Variants in BIRC6 observed in about 807,000 individuals in gnomAD.
BIRC6 encodes baculoviral IAP repeat containing 6.
BIRC6 carries 98 observed loss-of-function variants against 503.3 expected under a neutral mutation model. The observed-to-expected ratio is 0.19, with a 90% CI of 0.17 to 0.23. BIRC6 has a LOEUF of 0.23. BIRC6 is among the 10% of genes least tolerant of loss of function. The pLI is 1.00. For synonymous variants in BIRC6, 2,240 were observed against 2,078.7 expected (o/e 1.08, Z -2.11); for missense variants, 5,360 against 5,806.0 (o/e 0.92, Z 2.50).
chr2:32,538,848 C>G (rs1225056925), intron 61 of BIRC6, among the ~76,000 whole-genome samples: 1 of 152,172 alleles, frequency 6.6e-6, no homozygotes, highest in African/African-American at 2.4e-5. Context: ...AGGAGAATCC[C>G]TTGAACCTGA....
chr2:32,478,402 G>A (rs1005435603), intron 35 of BIRC6, among the ~76,000 whole-genome samples: 2 of 151,918 alleles, frequency 1.3e-5, no homozygotes, highest in Non-Finnish European at 2.9e-5. Context: ...TTCACTGTTC[G>A]TAGAAATTTA....
chr2:32,513,818 A>G (rs2054701475), intron 54 of BIRC6, among the ~76,000 whole-genome samples: 1 of 152,144 alleles, frequency 6.6e-6, no homozygotes, highest in African/African-American at 2.4e-5. Flanking sequence ...CTGAGGCAGG[A>G]GGATCACTTG....
intron 54 of BIRC6, 34 bp from the exon 55 acceptor site, chr2:32,514,956 T>C (rs761237418): frequency 6.9e-7 from 1 of 1,457,370 alleles, no homozygotes; most frequent in Non-Finnish European, 9.5e-7. Context: ...AAAAATATAC[T>C]TGTATCATTA....
chr2:32,384,053 C>G (rs559519527), intron 3 of BIRC6, among the ~76,000 whole-genome samples: 1 of 152,300 alleles, frequency 6.6e-6, no homozygotes, highest in South Asian at 2.1e-4. Flanking sequence ...TGCTGGGTAG[C>G]AATCTCAACA....
intron 5 of BIRC6, among the ~76,000 whole-genome samples, chr2:32,392,782 G>T (rs2039408093): frequency 6.6e-6 from 1 of 151,394 alleles, no homozygotes; most frequent in Non-Finnish European, 1.5e-5. Flanking sequence ...GTGCCACTGG[G>T]CCTGGCTAAC....
intron 1 of BIRC6, among the ~76,000 whole-genome samples, chr2:32,360,459 G>C (rs1024850253): frequency 2.6e-5 from 4 of 152,180 alleles, no homozygotes; most frequent in African/African-American, 9.7e-5. Context: ...TCTGAGCTGC[G>C]TGATCTGGCT....
intron 10 of BIRC6, among the ~76,000 whole-genome samples, chr2:32,419,516 C>T (rs1009784944): frequency 2.6e-5 from 4 of 152,040 alleles, no homozygotes; most frequent in African/African-American, 9.7e-5. Context: ...AATTGGTATT[C>T]TGCTTGGTGC....
At chr2:32,566,472 C>T (rs1354808184) in intron 65 of BIRC6, 1 of 152,192 alleles carries the variant, frequency 6.6e-6, no homozygotes, top group Non-Finnish European at 1.5e-5. Flanking sequence ...GCCACTTCAG[C>T]CTCATGAGTA....
intron 63 of BIRC6, 73 bp from the exon 64 acceptor site, chr2:32,547,777 T>A (rs1377935630): frequency 1.5e-6 from 2 of 1,295,420 alleles, no homozygotes; most frequent in Non-Finnish European, 2.1e-6. Context: ...TCATTTTACT[T>A]TCCCAGTGAT....
intron 12 of BIRC6, among the ~76,000 whole-genome samples, chr2:32,433,428 C>T (rs995073966): frequency 6.6e-6 from 1 of 152,170 alleles, no homozygotes; most frequent in East Asian, 1.9e-4. Flanking sequence ...ATATGCAAGT[C>T]TCAAGGCAGG....
rs1284166959 is a variant in BIRC6 at position 32,533,309 on chromosome 2, TACATGTAATGA to T, written c.12291+1772_12291+1782del. 5.3e-5 allele frequency among the ~76,000 whole-genome samples: 8 copies of T among 152,372 alleles called. 1 individual carries two copies. The South Asian group carries it at 8.3e-4, about 16-fold the overall frequency. On this transcript the variant is annotated intron_variant, in intron 61 of 73. Transcript: ENST00000421745. ...GTAATGAACTTGGATGTAATGAACT[TACATGTAATGA>T]ACATGTAATGAACTTGGATGTTTAG... is the stretch of plus-strand genomic sequence containing the variant.
At chr2:32,363,282 T>A (rs2034392940) in intron 1 of BIRC6, among the ~76,000 whole-genome samples, 1 of 152,156 alleles carries the variant, frequency 6.6e-6, no homozygotes, top group Non-Finnish European at 1.5e-5. Context: ...CAGTGAGTTG[T>A]GATTGTGCCA....
intron 49 of BIRC6, among the ~76,000 whole-genome samples, chr2:32,503,987 G>T (rs926965207): frequency 1.5e-5 from 2 of 136,064 alleles, no homozygotes; most frequent in African/African-American, 2.7e-5. Context: ...GAGTAGCTGG[G>T]ATTGCAGGCG....
intron 55 of BIRC6, 35 bp downstream of exon 55, chr2:32,515,805 T>C (rs750743633): frequency 2.9e-5 from 45 of 1,539,546 alleles, no homozygotes; most frequent in East Asian, 2.8e-4. Context: ...TTTAGTTGTT[T>C]TATTACATAA....
chr2:32,488,567 T>G (rs917403969), intron 41 of BIRC6, 21 bp from the exon 42 acceptor site: 1 of 1,506,494 alleles, frequency 6.6e-7, no homozygotes. Flanking sequence ...TTTTCTCCTG[T>G]TGATTTTCAT....
At chr2:32,593,816 A>C in intron 66 of BIRC6, 99 bp from the exon 67 acceptor site, 3 of 1,066,878 alleles carry the variant, frequency 2.8e-6, no homozygotes, top group Non-Finnish European at 4.0e-6. Flanking sequence ...TGTGTGACAA[A>C]TGAAATGCAC....
chr2:32,604,411 C>A (rs1364230945), intron 71 of BIRC6, among the ~76,000 whole-genome samples: 1 of 152,138 alleles, frequency 6.6e-6, no homozygotes, highest in African/African-American at 2.4e-5. Flanking sequence ...TTCAGACAAT[C>A]CAGTGGTCCA....
At chr2:32,383,521 A>C (rs1336640894) in intron 3 of BIRC6, among the ~76,000 whole-genome samples, 1 of 151,830 alleles carries the variant, frequency 6.6e-6, no homozygotes, top group Non-Finnish European at 1.5e-5. Context: ...CTGAATCCTC[A>C]CTGGTGCTGT....
intron 13 of BIRC6, 22 bp from the exon 14 acceptor site, chr2:32,435,474 A>G: frequency 6.5e-7 from 1 of 1,545,196 alleles, no homozygotes; most frequent in South Asian, 1.2e-5. Flanking sequence ...AGATAGGCAG[A>G]TCACCTTTCC....
Sources: allele counts gnomAD v4.1 joint callset (sites outside exome capture counted in the v4.1 genomes callset), GRCh38; gene constraint gnomAD v4.1.1; transcripts MANE v1.5; gene names NCBI Gene and HGNC (gene_info 2026-07-23, HGNC 2026-07-21).